The following PEX5L variants were observed in gnomAD, a reference collection of about 807,000 sequenced individuals.
The protein encoded by PEX5L is PEX5-related protein.
A neutral mutation model predicts 84.0 loss-of-function variants in PEX5L; 30 were observed. That is an observed-to-expected ratio of 0.36 (90% confidence interval 0.27 to 0.48). The LOEUF (loss-of-function observed/expected upper bound fraction) is 0.48, where lower values mean the gene tolerates loss of function less well. PEX5L is among the 20% of genes least tolerant of loss of function. The pLI is 0.99. For synonymous variants in PEX5L, 270 were observed against 283.1 expected, an observed-to-expected ratio of 0.95 and a Z score of 0.46; for missense variants, 533 against 754.6, an observed-to-expected ratio of 0.71 and a Z score of 3.44.
intron 8 of PEX5L, among the ~76,000 whole-genome samples, chr3:179,824,151 C>T (rs1047645786): frequency 6.6e-6 from 1 of 152,046 alleles, no homozygotes; most frequent in African/African-American, 2.4e-5. Flanking sequence ...TTATCAATTC[C>T]AATTCACCAG....
intron 8 of PEX5L, among the ~76,000 whole-genome samples, chr3:179,825,131 G>A (rs777506634): frequency 2.0e-5 from 3 of 152,180 alleles, no homozygotes; most frequent in Non-Finnish European, 4.4e-5. Context: ...GTGACCTTGG[G>A]CAGGAGTAAC....
intron 4 of PEX5L, among the ~76,000 whole-genome samples, chr3:179,881,847 C>T (rs1240167438): frequency 6.6e-6 from 1 of 152,150 alleles, no homozygotes; most frequent in Non-Finnish European, 1.5e-5. Context: ...CTTCCTGAGG[C>T]AATAGGAACC....
chr3:179,840,161 T>TG lies in PEX5L; in HGVS notation c.822+18900_822+18901insC, dbSNP rs1553850431. Among the ~76,000 whole-genome samples, 250 of 123,680 alleles carry TG rather than the reference T, an allele frequency of 2.0e-3. 2 individuals are homozygous for TG. Among genetic ancestry groups the TG allele is most frequent in the African/African-American group, 7.4e-3 (220 of 29,564 alleles). 81.1% of individuals were successfully genotyped at this position (123,680 alleles called of 152,430 possible). On this transcript the variant is annotated intron_variant, in intron 8 of 14. Coordinates refer to ENST00000467460, the MANE Select transcript of PEX5L (RefSeq NM_016559.3). ...TGGAAAACTATCGTCAAGTTGTTTTTTGTGTGTGTGTGTGTGTGTGTGTTT... is the reference window on the plus strand; with the variant it reads ...TGGAAAACTATCGTCAAGTTGTTTTTGTGTGTGTGTGTGTGTGTGTGTGTTT...
intron 2 of PEX5L, among the ~76,000 whole-genome samples, chr3:179,905,602 AT>A (rs2109097855): frequency 6.6e-6 from 1 of 151,876 alleles, no homozygotes; most frequent in African/African-American, 2.4e-5. Flanking sequence ...AATTTAGTCT[AT>A]TAGTCTTTAA....
intron 9 of PEX5L, among the ~76,000 whole-genome samples, 155 bp downstream of exon 9, chr3:179,819,705 T>C (rs539759049): frequency 6.6e-6 from 1 of 152,358 alleles, no homozygotes; most frequent in African/African-American, 2.4e-5. Flanking sequence ...AATTACGTTG[T>C]CTCATTCTAT....
intron 8 of PEX5L, among the ~76,000 whole-genome samples, chr3:179,835,000 T>C (rs1012120240): frequency 1.8e-4 from 28 of 152,176 alleles, no homozygotes; most frequent in African/African-American, 6.0e-4. Flanking sequence ...CACGAAGACA[T>C]AGAAGGAAGA....
At chr3:179,849,306 T>C (rs1740853016) in intron 8 of PEX5L, among the ~76,000 whole-genome samples, 1 of 152,218 alleles carries the variant, frequency 6.6e-6, no homozygotes, top group South Asian at 2.1e-4. Flanking sequence ...GTCTGTGAAA[T>C]CGCCAGTTTG....
chr3:179,992,004 T>G (rs1388276773), intron 1 of PEX5L, among the ~76,000 whole-genome samples: 5 of 152,228 alleles, frequency 3.3e-5, no homozygotes, highest in Non-Finnish European at 5.9e-5. Context: ...GTTTTTGTTC[T>G]TAAAACATAG....
At chr3:179,988,809 G>A (rs1279854220) in intron 1 of PEX5L, among the ~76,000 whole-genome samples, 3 of 152,190 alleles carry the variant, frequency 2.0e-5, no homozygotes, top group Non-Finnish European at 4.4e-5. Context: ...TTAAATCATA[G>A]GTAACAACCC....
intron 1 of PEX5L, among the ~76,000 whole-genome samples, chr3:179,996,047 G>C (rs575013950): frequency 1.3e-5 from 2 of 152,166 alleles, no homozygotes; most frequent in Non-Finnish European, 2.9e-5. Flanking sequence ...TGTCTGAGGA[G>C]ATAAACTCTG....
Position 179,808,256 on chromosome 3 carries a change from T to C in PEX5L, c.1518+16A>G. ...CAGAGAACGCTGTGGTTTCTTGCTG[T>C]GCTGTGCTGTCTTACCTCTGGCCGA... is the stretch of plus-strand genomic sequence containing the variant. On this transcript the variant is annotated intron_variant, in intron 13 of 14. Transcript: ENST00000467460. The C allele has an allele frequency of 6.5e-7, 1 of 1,535,992 alleles. No individual in the cohort carries two copies. Among genetic ancestry groups the C allele is most frequent in the Middle Eastern group, 1.7e-4 (1 of 5,734 alleles).
Position 179,802,679 on chromosome 3 carries a change from T to G in PEX5L, c.1677-647A>C, listed in dbSNP as rs1267734308. 2.0e-5 allele frequency among the ~76,000 whole-genome samples: 3 copies of G among 152,332 alleles called. No homozygotes were observed. The East Asian group carries it at 5.8e-4, about 29-fold the overall frequency. On this transcript the variant is annotated intron_variant, in intron 14 of 14. Coordinates refer to ENST00000467460, the MANE Select transcript of PEX5L (RefSeq NM_016559.3). Reference sequence around the variant, plus strand: ...CTGCTCTAGGAATGATTTGAACACTTAATGCATTTGCAGATTTGATTTCTA... The same window carrying G: ...CTGCTCTAGGAATGATTTGAACACTGAATGCATTTGCAGATTTGATTTCTA...
At chr3:179,821,197 A>G (rs1728401763) in intron 8 of PEX5L, among the ~76,000 whole-genome samples, 1 of 152,164 alleles carries the variant, frequency 6.6e-6, no homozygotes, top group African/African-American at 2.4e-5. Flanking sequence ...TAAGTTCTCT[A>G]CCAGCCTGCT....
intron 8 of PEX5L, among the ~76,000 whole-genome samples, chr3:179,851,397 C>T (rs7640067): frequency 0.25 from 37,948 of 151,990 alleles, 5,774 homozygotes; most frequent in East Asian, 0.72. Context: ...GCATTTTCCA[C>T]CTTCATGACC....
At chr3:179,977,414 T>C (rs1054751938) in intron 1 of PEX5L, among the ~76,000 whole-genome samples, 9 of 152,210 alleles carry the variant, frequency 5.9e-5, no homozygotes, top group African/African-American at 1.9e-4. Context: ...GTTTATTGCA[T>C]TTAATATGCC....
At chr3:180,018,215 C>T (rs1014698167) in intron 1 of PEX5L, among the ~76,000 whole-genome samples, 19 of 152,088 alleles carry the variant, frequency 1.2e-4, no homozygotes, top group Admixed American at 6.5e-4. Context: ...GTAAAACATA[C>T]GTTGTTTCAT....
intron 1 of PEX5L, among the ~76,000 whole-genome samples, chr3:180,008,582 G>A (rs1443981132): frequency 3.3e-5 from 5 of 152,150 alleles, no homozygotes; most frequent in Non-Finnish European, 5.9e-5. Context: ...ACCCAAGACT[G>A]GGAAGAAAAT....
At chr3:179,855,910 CCAT>C (rs1743754354) in intron 8 of PEX5L, among the ~76,000 whole-genome samples, 1 of 152,208 alleles carries the variant, frequency 6.6e-6, no homozygotes, top group Non-Finnish European at 1.5e-5. Flanking sequence ...TTATAAATGA[CCAT>C]ATCTCAGGTT....
At chr3:180,032,585 G>T (rs554571949) in intron 1 of PEX5L, among the ~76,000 whole-genome samples, 1 of 152,198 alleles carries the variant, frequency 6.6e-6, no homozygotes, top group Non-Finnish European at 1.5e-5. Flanking sequence ...CGGGAGCTGC[G>T]GTTCATGCCT....
Sources: allele counts gnomAD v4.1 joint callset (sites outside exome capture counted in the v4.1 genomes callset), GRCh38; gene constraint gnomAD v4.1.1; transcripts MANE v1.5; gene names NCBI Gene and HGNC (gene_info 2026-07-23, HGNC 2026-07-21).